The following TRAPPC9 variants were observed in gnomAD, a reference collection of about 807,000 sequenced individuals.
TRAPPC9 encodes IKK2 binding protein.
In TRAPPC9, 83 loss-of-function variants were observed where a neutral mutation model predicts 124.0. That is an observed-to-expected ratio of 0.67 (90% CI 0.56 to 0.80). The LOEUF is 0.80. Among genes scored for constraint, TRAPPC9 ranks in the 30% least tolerant of loss-of-function variants. The pLI is 0.00. For synonymous variants in TRAPPC9, 638 were observed against 617.5 expected, an observed-to-expected ratio of 1.03 and a Z score of -0.49; for missense variants, 1,302 against 1,508.3, an observed-to-expected ratio of 0.86 and a Z score of 2.27.
intron 17 of TRAPPC9, among the ~76,000 whole-genome samples, chr8:140,168,405 T>C (rs771979417): frequency 8.5e-5 from 13 of 152,192 alleles, no homozygotes; most frequent in Non-Finnish European, 1.9e-4. Context: ...ATTTAGCAGC[T>C]GATGCCCCTT....
At chr8:140,046,599 G>A (rs1587584116) in intron 17 of TRAPPC9, among the ~76,000 whole-genome samples, 1 of 152,242 alleles carries the variant, frequency 6.6e-6, no homozygotes, top group East Asian at 1.9e-4. Flanking sequence ...ATTCTTGGAT[G>A]CCTATCTTAC....
At chr8:140,441,321 G>C (rs1303497122) in intron 2 of TRAPPC9, among the ~76,000 whole-genome samples, 1 of 151,820 alleles carries the variant, frequency 6.6e-6, no homozygotes, top group African/African-American at 2.4e-5. Context: ...TCCTTGGTAT[G>C]TTATCCTGTT....
At chr8:140,010,934 C>A (rs999813209) in intron 18 of TRAPPC9, among the ~76,000 whole-genome samples, 1 of 152,094 alleles carries the variant, frequency 6.6e-6, no homozygotes, top group Non-Finnish European at 1.5e-5. Flanking sequence ...CAGAAGGGCA[C>A]ATGATCTGTA....
intron 21 of TRAPPC9, among the ~76,000 whole-genome samples, chr8:139,876,659 G>A (rs966591005): frequency 2.0e-5 from 3 of 152,170 alleles, no homozygotes; most frequent in African/African-American, 4.8e-5. Flanking sequence ...ATCAACAGAT[G>A]TTTATTGAAT....
chr8:140,002,391 C>T (rs900697095), intron 18 of TRAPPC9, among the ~76,000 whole-genome samples: 1 of 152,124 alleles, frequency 6.6e-6, no homozygotes, highest in Non-Finnish European at 1.5e-5. Context: ...CCATTTTTCC[C>T]AAGTTAATTC....
chr8:139,855,393 T>C (rs1475015116), intron 21 of TRAPPC9, among the ~76,000 whole-genome samples: 1 of 152,160 alleles, frequency 6.6e-6, no homozygotes, highest in Non-Finnish European at 1.5e-5. Flanking sequence ...CAGGGGTACC[T>C]TGCCATGTCA....
chr8:139,737,713 G>A (rs2130023351), intron 21 of TRAPPC9, among the ~76,000 whole-genome samples: 1 of 152,304 alleles, frequency 6.6e-6, no homozygotes, highest in African/African-American at 2.4e-5. Flanking sequence ...TGATTGGCTG[G>A]AGAACGGACT....
intron 5 of TRAPPC9, among the ~76,000 whole-genome samples, chr8:140,424,640 C>CAA (rs60819949): frequency 1.4e-4 from 9 of 64,268 alleles, no homozygotes; most frequent in South Asian, 4.8e-4. Context: ...AACCTGTCTC[C>CAA]AAAAAAAAAA....
At chr8:139,846,589 TA>T (rs1373389174) in intron 21 of TRAPPC9, among the ~76,000 whole-genome samples, 2 of 152,242 alleles carry the variant, frequency 1.3e-5, no homozygotes, top group Non-Finnish European at 2.9e-5. Context: ...CATATAATTT[TA>T]ATGGTCTCTG....
chr8:140,405,428 G>T (rs2069455208), intron 6 of TRAPPC9, 149 bp downstream of exon 6: 1 of 771,184 alleles, frequency 1.3e-6, no homozygotes, highest in Non-Finnish European at 2.0e-6. Flanking sequence ...AAACATTTTA[G>T]GCATATAGTA....
chr8:139,893,751 G>GT (rs1318575162), intron 20 of TRAPPC9, among the ~76,000 whole-genome samples: 1 of 152,224 alleles, frequency 6.6e-6, no homozygotes, highest in Non-Finnish European at 1.5e-5. Context: ...ACACCAGGAG[G>GT]TAACTGATGC....
chr8:140,002,811 C>A (rs1165667144), intron 18 of TRAPPC9, among the ~76,000 whole-genome samples: 1 of 72,890 alleles, frequency 1.4e-5, no homozygotes, highest in East Asian at 5.3e-4. Context: ...ATCCATTCAA[C>A]AAATAGTGTT....
chr8:139,947,924 C>CGAGAGAGAGA lies in TRAPPC9; in HGVS notation c.2811-37634_2811-37625dup, dbSNP rs59675753. Among the ~76,000 whole-genome samples, 593 of 83,450 alleles carry CGAGAGAGAGA rather than the reference C, an allele frequency of 7.1e-3. 51 individuals are homozygous for CGAGAGAGAGA. Among genetic ancestry groups the CGAGAGAGAGA allele is most frequent in the East Asian group, 0.016 (55 of 3,366 alleles). 54.7% of individuals were successfully genotyped at this position (83,450 alleles called of 152,430 possible). A position where few individuals can be genotyped will look rare whatever the true frequency, so the allele number is the denominator to read the frequency against. On this transcript the variant is annotated intron_variant, in intron 19 of 22. Coordinates refer to ENST00000438773, the MANE Select transcript of TRAPPC9 (RefSeq NM_001160372.4). The stretch of plus-strand genomic sequence containing the variant: ...TATATATATAGAGAGAGAGAGAGAG[C>CGAGAGAGAGA]GAGAGAGAGAGAGAGAGAGAGTATA...
chr8:139,930,402 C>A (rs541323183), intron 19 of TRAPPC9, among the ~76,000 whole-genome samples: 2 of 152,152 alleles, frequency 1.3e-5, no homozygotes, highest in African/African-American at 4.8e-5. Context: ...CCCGTGGTGT[C>A]GGTAGGGCAG....
chr8:139,728,754 C>T lies in TRAPPC9; in HGVS notation c.*2307G>A, dbSNP rs1817671703. Among the ~76,000 whole-genome samples, 1 of 152,148 alleles carries T rather than the reference C, an allele frequency of 6.6e-6. No homozygotes were observed. The highest frequency in any genetic ancestry group is 2.4e-5 in the African/African-American group (1 of 41,440). On this transcript the variant is annotated 3_prime_UTR_variant, in exon 23 of 23. Coordinates refer to ENST00000438773, the MANE Select transcript of TRAPPC9 (RefSeq NM_001160372.4). ...TGTATTTGGGTCATTTTCCAGGAGG[C>T]CTGGGTTATTTCTAACACCCCCTCC...
At chr8:139,805,288 T>C (rs1330769210) in intron 21 of TRAPPC9, among the ~76,000 whole-genome samples, 1 of 152,172 alleles carries the variant, frequency 6.6e-6, no homozygotes, top group East Asian at 1.9e-4. Context: ...GCCTCCTGCC[T>C]GGAAGTCTGA....
chr8:139,812,892 G>T (rs960746045), intron 21 of TRAPPC9, among the ~76,000 whole-genome samples: 2 of 152,196 alleles, frequency 1.3e-5, no homozygotes, highest in African/African-American at 4.8e-5. Flanking sequence ...TTTCGGGAAG[G>T]TTAAAAACAC....
Position 139,825,858 on chromosome 8 carries a change from A to T in TRAPPC9, c.3055+60021T>A, listed in dbSNP as rs1443368441. On this transcript the variant is annotated intron_variant, in intron 21 of 22. Transcript: ENST00000438773. The surrounding 1 kb of genome is among the most constrained non-coding windows in gnomAD (Gnocchi z 4.6). Reference sequence around the variant, plus strand: ...AAGGATTTCCAGGGCTTCCTCACCCATGGGTTCCTGAATCAGAATATTTCC... The same window carrying T: ...AAGGATTTCCAGGGCTTCCTCACCCTTGGGTTCCTGAATCAGAATATTTCC... Among the ~76,000 whole-genome samples, 1 of 151,982 alleles carries T rather than the reference A, an allele frequency of 6.6e-6. No individual in the cohort carries two copies. Among genetic ancestry groups the T allele is most frequent in the Non-Finnish European group, 1.5e-5 (1 of 68,014 alleles).
intron 19 of TRAPPC9, among the ~76,000 whole-genome samples, chr8:139,988,518 C>T (rs1312967505): frequency 6.6e-6 from 1 of 152,182 alleles, no homozygotes; most frequent in Non-Finnish European, 1.5e-5. Flanking sequence ...CAGACGCCAT[C>T]CGGCTTTACC....
Sources: allele counts gnomAD v4.1 joint callset (sites outside exome capture counted in the v4.1 genomes callset), GRCh38; gene constraint gnomAD v4.1.1; non-coding constraint Gnocchi (gnomAD v3.1); transcripts MANE v1.5; gene names NCBI Gene and HGNC (gene_info 2026-07-23, HGNC 2026-07-21).